The following FHIT variants were observed in gnomAD, a reference collection of about 807,000 sequenced individuals.
The protein encoded by FHIT is fragile histidine triad diadenosine triphosphatase.
FHIT carries 19 observed loss-of-function variants against 17.9 expected under a neutral mutation model. The observed-to-expected ratio is 1.06, with a 90% CI of 0.74 to 1.56. The LOEUF (loss-of-function observed/expected upper bound fraction) is 1.56. FHIT is among the 40% of genes most tolerant of loss of function. The pLI is 0.00. For missense variants in FHIT, 248 were observed against 189.2 expected (o/e 1.31, Z -1.82); for synonymous variants, 81 against 69.7 (o/e 1.16, Z -0.81).
rs577514150 is a variant in FHIT at position 60,529,776 on chromosome 3, T to C, written c.103+7084A>G. Among the ~76,000 whole-genome samples the C allele has an allele frequency of 9.2e-5, 14 of 152,292 alleles. No homozygotes were observed. The East Asian group carries it at 2.3e-3, about 25-fold the overall frequency. The stretch of plus-strand genomic sequence containing the variant: ...GTGAACAGCTTTCCAAATTACAGGA[T>C]ACCCATGATAGCAACATAAGAAATA... On this transcript the variant is annotated intron_variant, in intron 5 of 9. Coordinates refer to ENST00000492590, the MANE Select transcript of FHIT (RefSeq NM_002012.4).
chr3:60,260,704 G>A (rs1393129590), intron 5 of FHIT, among the ~76,000 whole-genome samples: 2 of 151,978 alleles, frequency 1.3e-5, no homozygotes, highest in Non-Finnish European at 2.9e-5. Context: ...TGTATTTCCA[G>A]GAGGTTAGGC....
At chr3:59,899,475 G>T (rs554889386) in intron 8 of FHIT, among the ~76,000 whole-genome samples, 10 of 152,182 alleles carry the variant, frequency 6.6e-5, no homozygotes, top group Non-Finnish European at 1.5e-4. Flanking sequence ...GCTCCATGAG[G>T]CTTGCCTAGC....
chr3:60,018,099 C>T (rs1700413908), intron 5 of FHIT, among the ~76,000 whole-genome samples: 1 of 152,200 alleles, frequency 6.6e-6, no homozygotes, highest in South Asian at 2.1e-4. Flanking sequence ...ACGATGCTGG[C>T]TTCTGAATTT....
intron 4 of FHIT, among the ~76,000 whole-genome samples, chr3:60,779,948 G>A (rs782446457): frequency 1.6e-4 from 24 of 152,142 alleles, no homozygotes; most frequent in Admixed American, 2.6e-4. Flanking sequence ...GGGTAAGAGC[G>A]GATGATTCCC....
At chr3:60,983,471 T>A (rs1429372230) in intron 3 of FHIT, among the ~76,000 whole-genome samples, 2 of 152,142 alleles carry the variant, frequency 1.3e-5, no homozygotes, top group Non-Finnish European at 1.5e-5. Context: ...AATTCCAGGT[T>A]GCACATACGT....
Position 59,840,607 on chromosome 3 carries a change from C to T in FHIT, c.348+81739G>A, listed in dbSNP as rs144619070. On this transcript the variant is annotated intron_variant, in intron 8 of 9. Coordinates refer to ENST00000492590, the MANE Select transcript of FHIT (RefSeq NM_002012.4). Reference sequence around the variant, plus strand: ...AATGGACAATGCTGTATGTTTATTACATTTATAATTTTGTGTGTAGAAGCC... The same window carrying T: ...AATGGACAATGCTGTATGTTTATTATATTTATAATTTTGTGTGTAGAAGCC... Among the ~76,000 whole-genome samples, 6 of 152,212 alleles carry T rather than the reference C, an allele frequency of 3.9e-5. No individual in the cohort carries two copies. In the East Asian group the frequency reaches 9.6e-4, roughly 24 times the overall value.
rs557786840 is a variant in FHIT, at chr3:61,221,247, C to G, written c.-212-20582G>C. On this transcript the variant is annotated intron_variant, in intron 1 of 9. Coordinates refer to ENST00000492590, the MANE Select transcript of FHIT (RefSeq NM_002012.4). The stretch of plus-strand genomic sequence containing the variant: ...ACAATGTGGCATTTGCACAGGGATG[C>G]CCTAACATGGCCCCAGTATGTTTTC... 2.6e-5 allele frequency among the ~76,000 whole-genome samples: 4 copies of G among 152,316 alleles called. No homozygotes were observed. In the South Asian group the frequency reaches 8.3e-4, roughly 32 times the overall value.
chr3:61,237,191 T>G (rs1233157025), intron 1 of FHIT, among the ~76,000 whole-genome samples: 1 of 152,228 alleles, frequency 6.6e-6, no homozygotes, highest in Non-Finnish European at 1.5e-5. Flanking sequence ...TTGGGGTGTT[T>G]AATTAAAAAT....
chr3:59,927,221 G>A (rs1705706345), intron 7 of FHIT, among the ~76,000 whole-genome samples: 1 of 152,156 alleles, frequency 6.6e-6, no homozygotes, highest in Admixed American at 6.5e-5. Flanking sequence ...ATTGTACCAT[G>A]CCATTTACAT....
At chr3:60,230,166 C>G (rs1704422383) in intron 5 of FHIT, among the ~76,000 whole-genome samples, 1 of 152,188 alleles carries the variant, frequency 6.6e-6, no homozygotes, top group Non-Finnish European at 1.5e-5. Context: ...CACCACATTT[C>G]TAGTTCACAA....
intron 3 of FHIT, among the ~76,000 whole-genome samples, chr3:60,875,923 A>ATGTGTATGTGTG (rs1704631578): frequency 7.3e-6 from 1 of 136,802 alleles, no homozygotes; most frequent in African/African-American, 2.7e-5. Context: ...AAACTTATTC[A>ATGTGTATGTGTG]TGTGTGTGTG....
intron 1 of FHIT, among the ~76,000 whole-genome samples, chr3:61,209,072 A>G (rs1001505831): frequency 1.3e-5 from 2 of 151,990 alleles, no homozygotes; most frequent in Non-Finnish European, 2.9e-5. Context: ...TCCTTCACTT[A>G]TGAAGCTTAG....
chr3:60,409,527 A>G (rs242201), intron 5 of FHIT, among the ~76,000 whole-genome samples: 10,008 of 152,268 alleles, frequency 0.066, 456 homozygotes, highest in Middle Eastern at 0.092. Flanking sequence ...GAGAAATTAC[A>G]TTTGTTAGAA....
At chr3:60,962,916 T>C (rs1553781558) in intron 3 of FHIT, among the ~76,000 whole-genome samples, 1 of 152,262 alleles carries the variant, frequency 6.6e-6, no homozygotes, top group East Asian at 1.9e-4. Context: ...ACTGCCAGGC[T>C]TTGATATCAG....
intron 1 of FHIT, among the ~76,000 whole-genome samples, chr3:61,214,270 AAAG>A (rs2039593758): frequency 6.6e-6 from 1 of 152,198 alleles, no homozygotes; most frequent in African/African-American, 2.4e-5. Context: ...CAAGACTAAT[AAAG>A]AAGAAAAGAG....
chr3:59,894,896 T>C (rs1704002604), intron 8 of FHIT, among the ~76,000 whole-genome samples: 1 of 152,214 alleles, frequency 6.6e-6, no homozygotes, highest in African/African-American at 2.4e-5. Context: ...AAAGTTTGGC[T>C]CTACCACTAA....
intron 5 of FHIT, among the ~76,000 whole-genome samples, chr3:60,204,407 T>A (rs1397705593): frequency 1.3e-5 from 2 of 151,878 alleles, no homozygotes; most frequent in African/African-American, 4.8e-5. Context: ...GTAGCTGGGA[T>A]TACAAGCACG....
rs572547662 is a variant in FHIT, at chr3:60,540,845, A to T, written c.-17-3866T>A. 8.5e-5 allele frequency among the ~76,000 whole-genome samples: 13 copies of T among 152,334 alleles called. No individual in the cohort carries two copies. In the East Asian group the frequency reaches 2.5e-3, roughly 29 times the overall value. ...ATAGGAAGGTTTGCCCCAGTGGTAC[A>T]AGATAATGGTTTTTAGAACATTTAC... On this transcript the variant is annotated intron_variant, in intron 4 of 9. Coordinates refer to ENST00000492590, the MANE Select transcript of FHIT (RefSeq NM_002012.4).
At chr3:60,578,418 A>C (rs192253253) in intron 4 of FHIT, among the ~76,000 whole-genome samples, 2 of 144,966 alleles carry the variant, frequency 1.4e-5, no homozygotes, top group African/African-American at 2.6e-5. Flanking sequence ...GCCTGGGCGA[A>C]AGAGCATGAC....
Sources: gnomAD v4.1 joint callset for allele counts (sites outside exome capture counted in the v4.1 genomes callset) on GRCh38, gnomAD v4.1.1 for gene constraint, MANE v1.5 for transcripts, NCBI Gene and HGNC (gene_info 2026-07-23, HGNC 2026-07-21) for gene names.